DNAH8: variants seen among roughly 807,000 people sequenced by gnomAD.
The protein encoded by DNAH8 is axonemal beta dynein heavy chain 8.
A neutral mutation model predicts 562.1 loss-of-function variants in DNAH8; 382 were observed. The observed-to-expected ratio is 0.68, with a 90% confidence interval of 0.63 to 0.74. The LOEUF (loss-of-function observed/expected upper bound fraction) is 0.74, where lower values mean the gene tolerates loss of function less well. Among genes scored for constraint, DNAH8 ranks in the 30% least tolerant of loss-of-function variants. The pLI, the probability that DNAH8 is intolerant of heterozygous loss-of-function variation, is 0.00. For missense variants in DNAH8, 5,203 were observed against 5,620.4 expected (o/e 0.93, Z 2.37); for synonymous variants, 1,881 against 1,919.4 (o/e 0.98, Z 0.52).
chr6:38,920,383 ATAAG>A lies in DNAH8; in HGVS notation c.10525-985_10525-982del, dbSNP rs557007423. 1.5e-3 allele frequency among the ~76,000 whole-genome samples: 222 copies of A among 152,360 alleles called. 1 individual carries two copies. Among genetic ancestry groups the A allele is most frequent in the African/African-American group, 5.1e-3 (213 of 41,588 alleles). On this transcript the variant is annotated intron_variant, in intron 70 of 92. Coordinates refer to ENST00000327475, the MANE Select transcript of DNAH8 (RefSeq NM_001206927.2). ...ATTCAAATAAACATTGAGAATGAAA[ATAAG>A]AAAGGGATCAAAGAACTTCTACCCC...
At chr6:38,716,346 T>C (rs977590663) in intron 1 of DNAH8, among the ~76,000 whole-genome samples, 1 of 152,078 alleles carries the variant, frequency 6.6e-6, no homozygotes, top group Non-Finnish European at 1.5e-5. Flanking sequence ...TCTACCCTTC[T>C]CATTCCCCTC....
At position 38,894,846 on chromosome 6, in the gene DNAH8, G is replaced by A. The variant is rs769727126; in HGVS notation, c.8729G>A (p.Ser2910Asn). ...TLLSLFKHEC[S>N]RVIADRFITP... ...CTGTCCCTTTTCAAACACGAGTGCA[G>A]CAGAGTAATTGCAGACAGGTGCGTG... is the stretch of plus-strand genomic sequence containing the variant. The change falls in exon 59 of 93, where the codon AGC becomes AAC. Residue 2910 changes from serine to asparagine, a missense_variant. Physicochemically the swap from Ser to Asn is conservative, Grantham distance 46 (BLOSUM62 1). Coordinates refer to ENST00000327475, the MANE Select transcript of DNAH8 (RefSeq NM_001206927.2). The A allele has an allele frequency of 1.6e-5, 26 of 1,613,850 alleles. No individual in the cohort carries two copies. Among genetic ancestry groups the A allele is most frequent in the Non-Finnish European group, 1.9e-5 (22 of 1,179,920 alleles).
intron 27 of DNAH8, 33 bp from the exon 28 acceptor site, chr6:38,823,529 A>C: frequency 6.5e-7 from 1 of 1,538,282 alleles, no homozygotes; most frequent in African/African-American, 1.4e-5. Flanking sequence ...ATACTGTTAA[A>C]AAATTAAAAT....
chr6:38,963,253 CTTTTTTTTTTTTTTTT>C (rs57083753), intron 82 of DNAH8, among the ~76,000 whole-genome samples: 14 of 102,612 alleles, frequency 1.4e-4, no homozygotes, highest in African/African-American at 1.7e-4. Context: ...AGTCCTTTTT[CTTTTTTTTTTTTTTTT>C]TTTTTTTTTT....
At chr6:38,930,362 GACAACTTAATTTC>G (rs1206670070) in intron 75 of DNAH8, among the ~76,000 whole-genome samples, 2 of 151,936 alleles carry the variant, frequency 1.3e-5, no homozygotes, top group African/African-American at 4.8e-5. Context: ...TATTACTTTG[GACAACTTAATTTC>G]ATGAGTATCA....
chr6:38,985,590 A>C (rs1021568058), intron 87 of DNAH8, among the ~76,000 whole-genome samples: 1 of 152,210 alleles, frequency 6.6e-6, no homozygotes, highest in Non-Finnish European at 1.5e-5. Flanking sequence ...TGGGAGGTCA[A>C]ATGGACACAG....
intron 91 of DNAH8, among the ~76,000 whole-genome samples, chr6:39,020,313 A>T (rs1766830181): frequency 6.6e-6 from 1 of 152,064 alleles, no homozygotes; most frequent in African/African-American, 2.4e-5. Flanking sequence ...CACTTGTCAA[A>T]CTTGTTCTTA....
At chr6:38,966,065 G>T (rs1449757179) in intron 82 of DNAH8, among the ~76,000 whole-genome samples, 2 of 151,920 alleles carry the variant, frequency 1.3e-5, no homozygotes, top group African/African-American at 4.8e-5. Context: ...GAAGTCAAAG[G>T]TATCTTTTTT....
intron 14 of DNAH8, 131 bp from the exon 15 acceptor site, chr6:38,779,835 T>C (rs1768408690): frequency 1.1e-6 from 1 of 891,928 alleles, no homozygotes; most frequent in African/African-American, 1.7e-5. Flanking sequence ...CGTTCATTGC[T>C]TTGTCCTAGG....
At chr6:38,873,528 T>A in intron 52 of DNAH8, 152 bp downstream of exon 52, 1 of 686,490 alleles carries the variant, frequency 1.5e-6, no homozygotes, top group Non-Finnish European at 2.3e-6. Flanking sequence ...TGATTTCTAT[T>A]AAAGATCTTC....
At chr6:38,884,695 C>T (rs561768290) in intron 56 of DNAH8, among the ~76,000 whole-genome samples, 3 of 152,284 alleles carry the variant, frequency 2.0e-5, no homozygotes, top group Admixed American at 2.0e-4. Context: ...GGGTTACATC[C>T]TTGCTCTAAC....
At chr6:38,974,241 C>A in intron 84 of DNAH8, 133 bp from the exon 85 acceptor site, 2 of 716,690 alleles carry the variant, frequency 2.8e-6, no homozygotes, top group Non-Finnish European at 4.4e-6. Flanking sequence ...GCTAATATTC[C>A]AAAATCTGAA....
intron 39 of DNAH8, among the ~76,000 whole-genome samples, 172 bp downstream of exon 39, chr6:38,851,846 G>A (rs80266128): frequency 2.0e-5 from 3 of 152,326 alleles, no homozygotes; most frequent in Admixed American, 6.5e-5. Context: ...TCCTGATGCA[G>A]TCCAGCAGTG....
In DNAH8 at chr6:38,823,311, G is replaced by T. The variant is rs181423433; in HGVS notation, c.3721-251G>T. 1.8e-3 allele frequency among the ~76,000 whole-genome samples: 274 copies of T among 152,250 alleles called. 1 individual carries two copies. Among genetic ancestry groups the T allele is most frequent in the African/African-American group, 6.2e-3 (258 of 41,540 alleles). ...CGGACTAGAGGCTAGGTATTCAAGG[G>T]TGCGTCACACTTATGTAGACCCAGC... On this transcript the variant is annotated intron_variant, in intron 27 of 92. Transcript: ENST00000327475.
chr6:38,739,576 G>A (rs966979287), intron 7 of DNAH8, among the ~76,000 whole-genome samples: 1 of 152,124 alleles, frequency 6.6e-6, no homozygotes, highest in African/African-American at 2.4e-5. Flanking sequence ...GGAGCCCAAG[G>A]CAAGAGGATC....
chr6:38,945,474 A>ATGCT lies in DNAH8; in HGVS notation c.12015_12016insTGCT (p.Ala4006CysfsTer18). 1 of 1,614,130 alleles carries ATGCT rather than the reference A, an allele frequency of 6.2e-7. No individual in the cohort carries two copies. The highest frequency in any genetic ancestry group is 8.5e-7 in the Non-Finnish European group (1 of 1,179,988). On this transcript the variant is annotated frameshift_variant, in exon 80 of 93. Transcript: ENST00000327475. LOFTEE classifies it high-confidence loss of function. Reference sequence around the variant, plus strand: ...TCTGACGCTCTTCCCCAGGGGGAGCAGCTCTGGACCTGAAAGCCTGTCCTC... The same window carrying ATGCT: ...TCTGACGCTCTTCCCCAGGGGGAGCATGCTGCTCTGGACCTGAAAGCCTGTCCTC...
intron 85 of DNAH8, among the ~76,000 whole-genome samples, chr6:38,979,897 C>T (rs1232177254): frequency 6.6e-6 from 1 of 152,162 alleles, no homozygotes; most frequent in Non-Finnish European, 1.5e-5. Flanking sequence ...TTCTGATCCT[C>T]TTTTTCAAAA....
At position 38,853,221 on chromosome 6, in the gene DNAH8, G is replaced by A. The variant is rs1365186126; in HGVS notation, c.5607G>A (p.Glu1869=). 1.2e-6 allele frequency: 2 copies of A among 1,612,822 alleles called. No individual in the cohort carries two copies. The highest frequency in any genetic ancestry group is 1.1e-5 in the South Asian group (1 of 90,812). ...CTGTTATGGCCAAAGGTCCTGTGGA[G>A]ATTTGGCTACTGGATTTGTTAAAAA... is the stretch of plus-strand genomic sequence containing the variant. ...DNSVMAKGPV[E]IWLLDLLKMQ... is the part of the protein sequence containing the mutation. Residue 1869 remains glutamate (E), a synonymous_variant, in exon 41 of 93, where the codon GAG becomes GAA. Transcript: ENST00000327475.
chr6:38,865,254 T>C (rs1776948547), intron 45 of DNAH8, among the ~76,000 whole-genome samples: 1 of 152,218 alleles, frequency 6.6e-6, no homozygotes, highest in Non-Finnish European at 1.5e-5. Flanking sequence ...TCAGAAATGT[T>C]TCTGATACAC....
Sources: gnomAD v4.1 joint callset for allele counts (sites outside exome capture counted in the v4.1 genomes callset) on GRCh38, gnomAD v4.1.1 for gene constraint, MANE v1.5 for transcripts, NCBI Gene and HGNC (gene_info 2026-07-23, HGNC 2026-07-21) for gene names.